MIGA1: variants seen among roughly 807,000 people sequenced by gnomAD.
The protein encoded by MIGA1 is family with sequence similarity 73, member A.
In MIGA1, 58 loss-of-function variants were observed where a neutral mutation model predicts 82.0. The ratio of observed to expected loss-of-function variants is 0.71; its 90% CI spans 0.57 to 0.88. MIGA1 has a LOEUF of 0.88. Ranked by LOEUF, MIGA1 falls within the 40% of genes least tolerant of loss-of-function variation. The pLI is 0.00. For missense variants in MIGA1, 751 were observed against 749.1 expected, an observed-to-expected ratio of 1.00 and a Z score of -0.03; for synonymous variants, 249 against 253.6, an observed-to-expected ratio of 0.98 and a Z score of 0.17.
intron 7 of MIGA1, among the ~76,000 whole-genome samples, chr1:77,834,136 CT>C (rs1051220084): frequency 6.6e-6 from 1 of 151,340 alleles, no homozygotes. Context: ...CTCCTTTTTT[CT>C]TTTTTTTTAT....
intron 2 of MIGA1, among the ~76,000 whole-genome samples, chr1:77,787,947 C>T (rs1284902069): frequency 1.3e-5 from 2 of 151,620 alleles, no homozygotes; most frequent in Admixed American, 6.6e-5. Flanking sequence ...TCCCGAGTAG[C>T]TGGTATTACA....
In MIGA1 at chr1:77,863,926, G is replaced by A. The variant is rs1342863038; in HGVS notation, c.1407G>A (p.Leu469=). 6.3e-7 allele frequency: 1 copy of A among 1,582,662 alleles called. No individual in the cohort carries two copies. Among genetic ancestry groups the A allele is most frequent in the Non-Finnish European group, 8.6e-7 (1 of 1,164,548 alleles). ...ATCTAAATTTTTATGATGTTGTTCTGGATTTTATATTAATGGACTCCTTTG... is the reference window on the plus strand; with the variant it reads ...ATCTAAATTTTTATGATGTTGTTCTAGATTTTATATTAATGGACTCCTTTG... Residue 469 remains leucine (L), a synonymous_variant, in exon 13 of 16, where the codon CTG becomes CTA. Coordinates refer to ENST00000370791, the MANE Select transcript of MIGA1 (RefSeq NM_198549.4).
At chr1:77,841,046 C>A (rs953781658) in intron 7 of MIGA1, among the ~76,000 whole-genome samples, 1 of 152,026 alleles carries the variant, frequency 6.6e-6, no homozygotes, top group Non-Finnish European at 1.5e-5. Context: ...GGGAGTTTTT[C>A]TAATTGAGTG....
At chr1:77,841,259 A>G (rs1243540375) in intron 7 of MIGA1, among the ~76,000 whole-genome samples, 1 of 152,136 alleles carries the variant, frequency 6.6e-6, no homozygotes, top group African/African-American at 2.4e-5. Context: ...GGATTGATGT[A>G]AACGTCATCT....
intron 1 of MIGA1, chr1:77,780,055 G>T: frequency 9.0e-7 from 1 of 1,105,546 alleles, no homozygotes; most frequent in South Asian, 2.9e-5. Flanking sequence ...GCTCGCCACT[G>T]CTCTGAGCCA....
At chr1:77,824,617 A>T (rs1053375947) in intron 7 of MIGA1, among the ~76,000 whole-genome samples, 1 of 152,196 alleles carries the variant, frequency 6.6e-6, no homozygotes, top group African/African-American at 2.4e-5. Flanking sequence ...CTGATACAAA[A>T]TGGTTTACTA....
intron 15 of MIGA1, among the ~76,000 whole-genome samples, chr1:77,873,701 T>C (rs921256642): frequency 6.6e-6 from 1 of 152,224 alleles, no homozygotes; most frequent in African/African-American, 2.4e-5. Context: ...TGTAATAGTC[T>C]TGAGTTTAGG....
chr1:77,858,746 G>C (rs1248917989), intron 8 of MIGA1, among the ~76,000 whole-genome samples, 192 bp from the exon 9 acceptor site: 5 of 152,070 alleles, frequency 3.3e-5, no homozygotes, highest in Non-Finnish European at 7.4e-5. Flanking sequence ...AATCTCCTGG[G>C]TAGCTAGGAC....
At chr1:77,871,125 GGAGGGA>G (rs1553229459) in intron 14 of MIGA1, among the ~76,000 whole-genome samples, 1 of 74,212 alleles carries the variant, frequency 1.3e-5, no homozygotes, top group African/African-American at 5.2e-5. Flanking sequence ...GAGAGGGAGA[GGAGGGA>G]GAGGGAGAGG....
chr1:77,858,716 T>G (rs992693501), intron 8 of MIGA1, among the ~76,000 whole-genome samples: 2 of 152,192 alleles, frequency 1.3e-5, no homozygotes, highest in Non-Finnish European at 2.9e-5. Flanking sequence ...CCTCCTGTGC[T>G]CAAGTGATCT....
rs746662954 is a variant in MIGA1, at chr1:77,860,133, T to G, written c.1275+7T>G. 1 of 1,590,862 alleles carries G rather than the reference T, an allele frequency of 6.3e-7. No individual in the cohort carries two copies. Among genetic ancestry groups the G allele is most frequent in the Non-Finnish European group, 8.6e-7 (1 of 1,163,196 alleles). ...AATTGTGAAAGCACGAAAGGTAAACTTGTTCTGTTGGCAAGATTTTTACCA... is the reference window on the plus strand; with the variant it reads ...AATTGTGAAAGCACGAAAGGTAAACGTGTTCTGTTGGCAAGATTTTTACCA... On this transcript the variant is annotated splice_region_variant and intron_variant, in intron 11 of 15. Coordinates refer to ENST00000370791, the MANE Select transcript of MIGA1 (RefSeq NM_198549.4).
At position 77,843,413 on chromosome 1, in the gene MIGA1, A is replaced by C. The variant is rs1407877668; in HGVS notation, c.996+6A>C. 3 of 1,606,968 alleles carry C rather than the reference A, an allele frequency of 1.9e-6. No homozygotes were observed. Among genetic ancestry groups the C allele is most frequent in the Non-Finnish European group, 2.6e-6 (3 of 1,173,582 alleles). ...CCTTTGCTTCCGCAGCAGAGGTAGG[A>C]CATATGTGTTCCTAATGAGGATTTC... On this transcript the variant is annotated splice_donor_region_variant and intron_variant, in intron 8 of 15. Coordinates refer to ENST00000370791, the MANE Select transcript of MIGA1 (RefSeq NM_198549.4).
intron 14 of MIGA1, 96 bp from the exon 15 acceptor site, chr1:77,872,908 C>A: frequency 6.7e-7 from 1 of 1,498,938 alleles, no homozygotes; most frequent in South Asian, 1.2e-5. Flanking sequence ...TAAACTCCCA[C>A]TGGTCATATA....
At chr1:77,842,535 T>C (rs1684663839) in intron 7 of MIGA1, among the ~76,000 whole-genome samples, 1 of 152,168 alleles carries the variant, frequency 6.6e-6, no homozygotes, top group African/African-American at 2.4e-5. Flanking sequence ...AAATATCTTC[T>C]TGAATTGTTT....
chr1:77,870,256 T>G (rs1571023873), intron 14 of MIGA1, among the ~76,000 whole-genome samples: 1 of 122,034 alleles, frequency 8.2e-6, no homozygotes. Context: ...TCGGGGTGGC[T>G]GCCGGGCGGA....
At chr1:77,846,985 T>C in intron 8 of MIGA1, 2 of 571,460 alleles carry the variant, frequency 3.5e-6, no homozygotes, top group Non-Finnish European at 6.2e-6. Flanking sequence ...CCTCTACTTG[T>C]ACTCTAAATG....
chr1:77,840,841 T>A (rs1684603195), intron 7 of MIGA1, among the ~76,000 whole-genome samples: 1 of 152,012 alleles, frequency 6.6e-6, no homozygotes, highest in African/African-American at 2.4e-5. Flanking sequence ...TAAAATAAAA[T>A]TTAATCCCAC....
chr1:77,839,389 T>A (rs892009228), intron 7 of MIGA1, among the ~76,000 whole-genome samples: 3 of 151,990 alleles, frequency 2.0e-5, no homozygotes, highest in Non-Finnish European at 2.9e-5. Context: ...TCTTTTTTTT[T>A]AGAGACAGTG....
At chr1:77,828,588 ATATAATGTATGGTTCATGTG>A (rs1684118740) in intron 7 of MIGA1, among the ~76,000 whole-genome samples, 2 of 152,192 alleles carry the variant, frequency 1.3e-5, no homozygotes, top group Admixed American at 6.5e-5. Flanking sequence ...CATGAGGAAA[ATATAATGTATGGTTCATGTG>A]TATTTTATTT....
Sources: gnomAD v4.1 joint callset for allele counts (sites outside exome capture counted in the v4.1 genomes callset) on GRCh38, gnomAD v4.1.1 for gene constraint, MANE v1.5 for transcripts, NCBI Gene and HGNC (gene_info 2026-07-23, HGNC 2026-07-21) for gene names.